Variants in MYPN observed in about 807,000 individuals in gnomAD.
MYPN encodes the protein myopalladin.
MYPN carries 63 observed loss-of-function variants against 129.4 expected under a neutral mutation model. That is an observed-to-expected ratio of 0.49 (90% CI 0.40 to 0.60). The LOEUF (loss-of-function observed/expected upper bound fraction) is 0.60, where lower values mean the gene tolerates loss of function less well. Ranked by LOEUF, MYPN falls within the 20% of genes least tolerant of loss-of-function variation. MYPN has a pLI of 0.00. For missense variants in MYPN, 1,596 were observed against 1,635.4 expected, an observed-to-expected ratio of 0.98 and a Z score of 0.42; for synonymous variants, 629 against 600.9, an observed-to-expected ratio of 1.05 and a Z score of -0.68.
chr10:68,123,148 G>A (rs2042271887), intron 2 of MYPN, among the ~76,000 whole-genome samples: 1 of 151,890 alleles, frequency 6.6e-6, no homozygotes, highest in African/African-American at 2.4e-5. Flanking sequence ...GCCGAGGCAG[G>A]CAGATCACTT....
chr10:68,150,187 A>G, intron 6 of MYPN, 76 bp downstream of exon 6: 1 of 1,290,750 alleles, frequency 7.7e-7, no homozygotes, highest in East Asian at 2.4e-5. Flanking sequence ...TACAAGATTT[A>G]TTCATTTTTA....
upstream of MYPN, among the ~76,000 whole-genome samples, chr10:68,107,341 C>CTTTTTTTTTTTTTTTTTT (rs1217100514): frequency 8.8e-6 from 1 of 113,454 alleles, no homozygotes; most frequent in Non-Finnish European, 1.8e-5. Flanking sequence ...CTTCTCTTTT[C>CTTTTTTTTTTTTTTTTTT]TTTTTTTTTT....
chr10:68,144,163 A>C (rs1313826978), intron 3 of MYPN, among the ~76,000 whole-genome samples: 1 of 152,200 alleles, frequency 6.6e-6, no homozygotes. Context: ...TTACATTGGC[A>C]TCAGGTTTAT....
At position 68,158,530 on chromosome 10, in the gene MYPN, T is replaced by C. The variant is rs764084251; in HGVS notation, c.1362T>C (p.Phe454=). ...LSASEGQLVV[F]ECRVKGAPSP... ...CTTCTGAGGGTCAGCTGGTTGTCTT[T>C]GAATGCAGAGTAAAAGGAGCTCCAT... The change falls in exon 7 of 20, where the codon TTT becomes TTC. Residue 454 remains phenylalanine, a synonymous_variant. Coordinates refer to ENST00000358913, the MANE Select transcript of MYPN (RefSeq NM_032578.4). 1.2e-6 allele frequency: 2 copies of C among 1,614,042 alleles called. No individual in the cohort carries two copies. Among genetic ancestry groups the C allele is most frequent in the Non-Finnish European group, 1.7e-6 (2 of 1,179,902 alleles).
intron 1 of MYPN, among the ~76,000 whole-genome samples, chr10:68,115,811 G>A (rs111870828): frequency 1.3e-5 from 2 of 151,866 alleles, no homozygotes; most frequent in Non-Finnish European, 2.9e-5. Flanking sequence ...TCTTTTTCAC[G>A]CACTTCTTCG....
intron 13 of MYPN, among the ~76,000 whole-genome samples, chr10:68,190,992 G>T (rs532885815): frequency 6.6e-6 from 1 of 152,182 alleles, no homozygotes; most frequent in East Asian, 1.9e-4. Context: ...AAATGAGTTG[G>T]CTATAAATAC....
At chr10:68,152,033 T>C (rs960998268) in intron 6 of MYPN, among the ~76,000 whole-genome samples, 21 of 152,180 alleles carry the variant, frequency 1.4e-4, no homozygotes, top group African/African-American at 4.6e-4. Context: ...TACATTGATT[T>C]GGTCTGGAAA....
chr10:68,178,211 A>G (rs1387415529), intron 12 of MYPN, among the ~76,000 whole-genome samples: 1 of 152,200 alleles, frequency 6.6e-6, no homozygotes, highest in Non-Finnish European at 1.5e-5. Context: ...TCAGAGGCTC[A>G]TATTTATTAA....
At position 68,198,868 on chromosome 10, in the gene MYPN, G is replaced by A. The variant is rs575185429; in HGVS notation, c.3286-500G>A. ...GCATACCATGCCCTGTTGGGGGGAT[G>A]GGAGGGGTGAGGGGAGGGAACTTAG... On this transcript the variant is annotated intron_variant, in intron 16 of 19. Coordinates refer to ENST00000358913, the MANE Select transcript of MYPN (RefSeq NM_032578.4). Among the ~76,000 whole-genome samples, 45 of 151,906 alleles carry A rather than the reference G, an allele frequency of 3.0e-4. 1 individual carries two copies. Among genetic ancestry groups the A allele is most frequent in the African/African-American group, 1.1e-3 (44 of 41,472 alleles).
intron 6 of MYPN, among the ~76,000 whole-genome samples, chr10:68,152,479 G>A (rs1261203257): frequency 3.3e-5 from 5 of 152,014 alleles, no homozygotes; most frequent in African/African-American, 4.8e-5. Flanking sequence ...CCTCTGGCAC[G>A]TTTATCATGA....
chr10:68,121,966 T>C lies in MYPN; in HGVS notation c.528T>C (p.Arg176=), dbSNP rs1158680867. Residue 176 remains arginine, a synonymous_variant, in exon 2 of 20, where the codon CGT becomes CGC. Coordinates refer to ENST00000358913, the MANE Select transcript of MYPN (RefSeq NM_032578.4). Reference sequence around the variant, plus strand: ...ACAGCTCCAAAAGGATTAGACCTCGTGCCTGCAAAAACCACAAGAGTAAAC... The same window carrying C: ...ACAGCTCCAAAAGGATTAGACCTCGCGCCTGCAAAAACCACAAGAGTAAAC... ...KSHSSKRIRP[R]ACKNHKSKLE... The C allele has an allele frequency of 1.9e-6, 3 of 1,614,104 alleles. No homozygotes were observed. The highest frequency in any genetic ancestry group is 2.5e-6 in the Non-Finnish European group (3 of 1,180,052).
At chr10:68,113,596 C>CT (rs1477090954) in intron 1 of MYPN, among the ~76,000 whole-genome samples, 20 of 151,416 alleles carry the variant, frequency 1.3e-4, no homozygotes, top group Admixed American at 2.6e-4. Context: ...ACTTGGGAGG[C>CT]TGAGGTGGGA....
intron 2 of MYPN, among the ~76,000 whole-genome samples, chr10:68,137,838 A>G (rs981787052): frequency 2.0e-5 from 3 of 152,178 alleles, no homozygotes; most frequent in East Asian, 1.9e-4. Flanking sequence ...TTGAATAACC[A>G]TAATTTGTCT....
chr10:68,155,389 T>C (rs2042854802), intron 6 of MYPN, among the ~76,000 whole-genome samples: 1 of 152,212 alleles, frequency 6.6e-6, no homozygotes, highest in East Asian at 1.9e-4. Flanking sequence ...TCCTCCCAGA[T>C]GACCAGTTTA....
chr10:68,145,374 A>G (rs2042645387), intron 3 of MYPN, 101 bp from the exon 4 acceptor site: 2 of 921,594 alleles, frequency 2.2e-6, no homozygotes, highest in Non-Finnish European at 3.5e-6. Flanking sequence ...TTTAGGAATC[A>G]GGTAAACAAA....
upstream of MYPN, among the ~76,000 whole-genome samples, chr10:68,104,724 C>A (rs918591954): frequency 6.6e-6 from 1 of 152,032 alleles, no homozygotes; most frequent in South Asian, 2.1e-4. Flanking sequence ...CAAACTTAAA[C>A]CCTATATAGT....
At chr10:68,195,614 CA>C (rs1301504168) in intron 15 of MYPN, 82 bp downstream of exon 15, 1 of 1,139,806 alleles carries the variant, frequency 8.8e-7, no homozygotes, top group African/African-American at 1.5e-5. Flanking sequence ...ACTGGATCCA[CA>C]AATTCTTAAT....
chr10:68,152,964 T>G (rs1371176495), intron 6 of MYPN, among the ~76,000 whole-genome samples: 7 of 141,824 alleles, frequency 4.9e-5, no homozygotes, highest in South Asian at 2.3e-4. Context: ...GTTATTTTAT[T>G]TTATTTTATT....
At chr10:68,208,917 T>C (rs1019497282) in intron 19 of MYPN, among the ~76,000 whole-genome samples, 6 of 152,058 alleles carry the variant, frequency 3.9e-5, no homozygotes, top group Non-Finnish European at 8.8e-5. Context: ...GGCTAAGAGA[T>C]GGAGGGGCTG....
Sources: gnomAD v4.1 joint callset for allele counts (sites outside exome capture counted in the v4.1 genomes callset) on GRCh38, gnomAD v4.1.1 for gene constraint, MANE v1.5 for transcripts, NCBI Gene and HGNC (gene_info 2026-07-23, HGNC 2026-07-21) for gene names.